Variants in WIPF2 observed in about 807,000 individuals in gnomAD.
WIPF2 encodes the protein WAS/WASL interacting protein family member 2.
WIPF2 carries 23 observed loss-of-function variants against 38.8 expected under a neutral mutation model. That is an observed-to-expected ratio of 0.59 (90% CI 0.43 to 0.84). WIPF2 has a LOEUF of 0.84. Among genes scored for constraint, WIPF2 ranks in the 40% least tolerant of loss-of-function variants. WIPF2 has a pLI of 0.00. For missense variants in WIPF2, 574 were observed against 580.5 expected (o/e 0.99, Z 0.11); for synonymous variants, 210 against 223.2 (o/e 0.94, Z 0.53).
At chr17:40,250,229 T>TTTTTG (rs2031512129) in intron 1 of WIPF2, among the ~76,000 whole-genome samples, 1 of 112,188 alleles carries the variant, frequency 8.9e-6, no homozygotes, top group Admixed American at 8.6e-5. Context: ...GTTTTTTTTT[T>TTTTTG]TTTTTTTTTT....
intron 1 of WIPF2, among the ~76,000 whole-genome samples, chr17:40,245,977 C>T (rs139103544): frequency 2.4e-4 from 37 of 151,994 alleles, no homozygotes; most frequent in Admixed American, 7.9e-4. Flanking sequence ...TTCTTTCTTT[C>T]CTCTTTTCAT....
At chr17:40,266,708 G>A (rs2032099439) in intron 5 of WIPF2, among the ~76,000 whole-genome samples, 1 of 152,038 alleles carries the variant, frequency 6.6e-6, no homozygotes, top group Non-Finnish European at 1.5e-5. Context: ...AGACCTATTT[G>A]TATGCTGATG....
chr17:40,271,069 T>C (rs2032237135), intron 5 of WIPF2, among the ~76,000 whole-genome samples: 1 of 152,082 alleles, frequency 6.6e-6, no homozygotes, highest in Admixed American at 6.6e-5. Context: ...ATCTCCCAGG[T>C]TCAAGCTCCT....
At chr17:40,257,033 C>T (rs1301681530) in intron 2 of WIPF2, among the ~76,000 whole-genome samples, 1 of 151,978 alleles carries the variant, frequency 6.6e-6, no homozygotes, top group Non-Finnish European at 1.5e-5. Context: ...GGCTGGAGTG[C>T]AGTGGCACGG....
chr17:40,219,624 A>C, intron 1 of WIPF2, 132 bp downstream of exon 1: 1 of 10,448 alleles, frequency 9.6e-5, no homozygotes. Flanking sequence ...GAGGGGCCGG[A>C]GGGGGAGAGG....
At chr17:40,248,822 C>T (rs1390681724) in intron 1 of WIPF2, among the ~76,000 whole-genome samples, 1 of 152,132 alleles carries the variant, frequency 6.6e-6, no homozygotes, top group Non-Finnish European at 1.5e-5. Context: ...TTTTACCTAT[C>T]TCTGTTTCTT....
intron 1 of WIPF2, among the ~76,000 whole-genome samples, chr17:40,222,402 A>G (rs1428293738): frequency 6.6e-6 from 1 of 151,056 alleles, no homozygotes; most frequent in Non-Finnish European, 1.5e-5. Context: ...TCATGCCTAT[A>G]ATCCCAACGC....
In WIPF2 at chr17:40,278,403, T is replaced by A. The variant is rs2032473789; in HGVS notation, c.*178T>A. The A allele has an allele frequency of 7.2e-6, 5 of 691,816 alleles. No homozygotes were observed. In the South Asian group the frequency reaches 9.9e-5, roughly 14 times the overall value. The allele number at this position is 691,816 out of a possible 1,614,324, so 42.9% of individuals were successfully genotyped here. ...CCATCTATGCATCTCATCTCTGGAT[T>A]TGGTGATCAGACTCTATATTGACAG... is the stretch of plus-strand genomic sequence containing the variant. On this transcript the variant is annotated 3_prime_UTR_variant, in exon 8 of 8. Transcript: ENST00000323571.
At chr17:40,253,637 G>A (rs916490063) in intron 1 of WIPF2, among the ~76,000 whole-genome samples, 8 of 152,216 alleles carry the variant, frequency 5.3e-5, no homozygotes, top group East Asian at 1.9e-4. Flanking sequence ...AAATAAAAAG[G>A]TATTTCCCTT....
chr17:40,274,031 T>G, intron 6 of WIPF2, 32 bp downstream of exon 6: 1 of 1,494,772 alleles, frequency 6.7e-7, no homozygotes, highest in Non-Finnish European at 8.9e-7. Context: ...GTCTCATGGT[T>G]CCTGCGGTGA....
At chr17:40,247,207 GTTTTTTTTT>G (rs775838379) in intron 1 of WIPF2, among the ~76,000 whole-genome samples, 2 of 116,976 alleles carry the variant, frequency 1.7e-5, no homozygotes, top group South Asian at 2.8e-4. Flanking sequence ...TTATTTCAGG[GTTTTTTTTT>G]TTTTTTTTTT....
intron 1 of WIPF2, among the ~76,000 whole-genome samples, chr17:40,247,684 G>T (rs2031418213): frequency 1.3e-5 from 2 of 151,806 alleles, no homozygotes; most frequent in South Asian, 2.1e-4. Flanking sequence ...ACCATGCCTG[G>T]CTAATTTTTG....
At chr17:40,253,013 G>A (rs764351613) in intron 1 of WIPF2, among the ~76,000 whole-genome samples, 3 of 151,018 alleles carry the variant, frequency 2.0e-5, no homozygotes, top group African/African-American at 4.9e-5. Flanking sequence ...TGATCTGCCC[G>A]CCTCAGCCTC....
intron 1 of WIPF2, among the ~76,000 whole-genome samples, chr17:40,234,948 G>A (rs2030901446): frequency 6.8e-6 from 1 of 147,622 alleles, no homozygotes; most frequent in Admixed American, 6.8e-5. Context: ...ACGGAGTCTT[G>A]CCCTGTCACC....
chr17:40,261,682 G>GTTTTTTTTTT (rs929999985), intron 3 of WIPF2, among the ~76,000 whole-genome samples: 1 of 142,490 alleles, frequency 7.0e-6, no homozygotes. Flanking sequence ...TTTTTTTTTG[G>GTTTTTTTTTT]TTTTTTTTGT....
rs535618364 is a variant in WIPF2 at position 40,264,433 on chromosome 17, G to A, written c.314-57G>A. On this transcript the variant is annotated intron_variant, in intron 4 of 7. Transcript: ENST00000323571. ...GCACTAAGGAGCCGAGTGAAGTAGG[G>A]ATACTGACCAATATCTGTCCAGCTC... is the stretch of plus-strand genomic sequence containing the variant. The A allele has an allele frequency of 1.2e-4, 180 of 1,540,766 alleles. 1 individual carries two copies. Among genetic ancestry groups the A allele is most frequent in the South Asian group, 7.9e-4 (71 of 89,364 alleles).
At chr17:40,261,943 G>A (rs963211437) in intron 3 of WIPF2, among the ~76,000 whole-genome samples, 3 of 151,020 alleles carry the variant, frequency 2.0e-5, no homozygotes, top group Non-Finnish European at 3.0e-5. Context: ...GCCTCCCAAA[G>A]TGCTGGGATT....
Position 40,260,531 on chromosome 17 carries a change from C to G in WIPF2, c.64-4C>G. 1 of 1,613,648 alleles carries G rather than the reference C, an allele frequency of 6.2e-7. No individual in the cohort carries two copies. Among genetic ancestry groups the G allele is most frequent in the East Asian group, 2.2e-5 (1 of 44,842 alleles). On this transcript the variant is annotated splice_polypyrimidine_tract_variant and splice_region_variant and intron_variant, in intron 2 of 7. Transcript: ENST00000323571. ...GGTGAACTTATATTTCTCTTATCCT[C>G]CAGGCAAACACAGAGCAGCCCAAGC...
Position 40,278,323 on chromosome 17 carries a change from C to T in WIPF2, c.*98C>T. ...CTGAAACCTGCATGAGAGCTCCTAA[C>T]ATGTTTCTCCAATGCAATCAAGCCC... is the stretch of plus-strand genomic sequence containing the variant. On this transcript the variant is annotated 3_prime_UTR_variant, in exon 8 of 8. Transcript: ENST00000323571. The T allele has an allele frequency of 2.1e-6, 3 of 1,399,552 alleles. No individual in the cohort carries two copies. The highest frequency in any genetic ancestry group is 3.0e-6 in the Non-Finnish European group (3 of 1,009,132). The allele number at this position is 1,399,552 out of a possible 1,614,324, so 86.7% of individuals were successfully genotyped here.
Sources: allele counts gnomAD v4.1 joint callset (sites outside exome capture counted in the v4.1 genomes callset), GRCh38; gene constraint gnomAD v4.1.1; transcripts MANE v1.5; gene names NCBI Gene and HGNC (gene_info 2026-07-23, HGNC 2026-07-21).